Variants in TXNDC16 observed in about 807,000 individuals in gnomAD.
The protein encoded by TXNDC16 is thioredoxin domain-containing protein 16.
Under a neutral mutation model 85.6 loss-of-function variants are expected in TXNDC16, and 74 were observed. The ratio of observed to expected loss-of-function variants is 0.86; its 90% CI spans 0.72 to 1.05. TXNDC16 has a LOEUF of 1.05. Among genes scored for constraint, TXNDC16 ranks in the 50% least tolerant of loss-of-function variants. TXNDC16 has a pLI of 0.00. For synonymous variants in TXNDC16, 335 were observed against 326.5 expected (o/e 1.03, Z -0.28); for missense variants, 959 against 947.0 (o/e 1.01, Z -0.17).
chr14:52,509,567 C>G (rs2036904458), intron 9 of TXNDC16, among the ~76,000 whole-genome samples: 1 of 150,484 alleles, frequency 6.6e-6, no homozygotes, highest in Middle Eastern at 3.2e-3. Context: ...GGGTGCAGCA[C>G]ACAAACATGG....
intron 9 of TXNDC16, among the ~76,000 whole-genome samples, chr14:52,493,159 G>C (rs1025816988): frequency 2.0e-5 from 3 of 146,358 alleles, no homozygotes; most frequent in Non-Finnish European, 4.5e-5. Flanking sequence ...AAGAAGATTA[G>C]AGAAGAAATA....
intron 9 of TXNDC16, among the ~76,000 whole-genome samples, chr14:52,496,011 T>A (rs1387987133): frequency 6.6e-6 from 1 of 151,498 alleles, no homozygotes; most frequent in Non-Finnish European, 1.5e-5. Flanking sequence ...TGAAAAAAAA[T>A]TAGCCGGGTG....
intron 6 of TXNDC16, among the ~76,000 whole-genome samples, chr14:52,527,972 T>C (rs1456965669): frequency 6.6e-6 from 1 of 152,160 alleles, no homozygotes; most frequent in Non-Finnish European, 1.5e-5. Flanking sequence ...CAATGATGTT[T>C]CAGCAGTGTT....
chr14:52,502,947 G>C (rs745426043), intron 9 of TXNDC16, among the ~76,000 whole-genome samples: 3 of 152,168 alleles, frequency 2.0e-5, no homozygotes, highest in Non-Finnish European at 4.4e-5. Flanking sequence ...TGAGGGCTCC[G>C]AGGGTCCTAT....
intron 15 of TXNDC16, 145 bp downstream of exon 15, chr14:52,470,367 T>A (rs1246846334): frequency 2.8e-6 from 3 of 1,059,500 alleles, no homozygotes; most frequent in African/African-American, 3.2e-5. Context: ...AGTGTTGAAA[T>A]GTACACAGAC....
At chr14:52,538,416 TATA>T (rs1183520068) in intron 4 of TXNDC16, among the ~76,000 whole-genome samples, 2 of 152,068 alleles carry the variant, frequency 1.3e-5, no homozygotes, top group South Asian at 2.1e-4. Flanking sequence ...GAAAAAAATA[TATA>T]ATAACAATCT....
Position 52,509,506 on chromosome 14 carries a change from T to C in TXNDC16, c.756+1734A>G, listed in dbSNP as rs1465133317. Among the ~76,000 whole-genome samples, 3 of 144,892 alleles carry C rather than the reference T, an allele frequency of 2.1e-5. No homozygotes were observed. The East Asian group carries it at 6.3e-4, about 30-fold the overall frequency. On this transcript the variant is annotated intron_variant, in intron 9 of 20. Coordinates refer to ENST00000281741, the MANE Select transcript of TXNDC16 (RefSeq NM_020784.3). ...TAAACTGCTTTCTTTAAAAAAAAAA[T>C]TACTTGTAGTCAAAATGCAACCACA...
At chr14:52,439,123 C>T in intron 20 of TXNDC16, 81 bp downstream of exon 20, 1 of 1,367,690 alleles carries the variant, frequency 7.3e-7, no homozygotes, top group Non-Finnish European at 1.0e-6. Flanking sequence ...CTCATCCTAC[C>T]ATTCTTTAGC....
At chr14:52,451,509 T>A (rs2035412089) in intron 18 of TXNDC16, among the ~76,000 whole-genome samples, 1 of 152,088 alleles carries the variant, frequency 6.6e-6, no homozygotes. Flanking sequence ...TGTCCATGTA[T>A]GATTTACCCC....
At chr14:52,537,070 T>TTACA in intron 5 of TXNDC16, among the ~76,000 whole-genome samples, 1 of 147,242 alleles carries the variant, frequency 6.8e-6, no homozygotes, top group East Asian at 2.0e-4. Context: ...CAACTCACAA[T>TTACA]CACACACACA....
chr14:52,530,012 A>C (rs1239207844), intron 6 of TXNDC16, among the ~76,000 whole-genome samples: 1 of 104,318 alleles, frequency 9.6e-6, no homozygotes, highest in African/African-American at 4.0e-5. Context: ...AATATATATT[A>C]TATATTATAT....
At chr14:52,488,831 G>GGAAAAAAA (rs1336603891) in intron 11 of TXNDC16, among the ~76,000 whole-genome samples, 4 of 89,958 alleles carry the variant, frequency 4.4e-5, no homozygotes, top group Admixed American at 1.3e-4. Flanking sequence ...GAGACTCTGG[G>GGAAAAAAA]AAAAAAAAAA....
intron 20 of TXNDC16, among the ~76,000 whole-genome samples, chr14:52,437,773 C>G (rs2035063617): frequency 6.6e-6 from 1 of 152,158 alleles, no homozygotes; most frequent in African/African-American, 2.4e-5. Context: ...ATAGACACTT[C>G]TGAAAAGAAG....
intron 9 of TXNDC16, among the ~76,000 whole-genome samples, chr14:52,507,397 G>T (rs951112326): frequency 1.3e-5 from 2 of 151,794 alleles, no homozygotes; most frequent in Non-Finnish European, 2.9e-5. Context: ...ACAAACCACT[G>T]CTCAGTGAAA....
intron 14 of TXNDC16, among the ~76,000 whole-genome samples, chr14:52,474,076 A>C (rs889286907): frequency 6.6e-6 from 1 of 152,374 alleles, no homozygotes; most frequent in Middle Eastern, 3.4e-3. Flanking sequence ...AATGAAAAGG[A>C]AAACAAGTCC....
rs752925929 is a variant in TXNDC16, at chr14:52,514,989, G to T, written c.515-19C>A. On this transcript the variant is annotated intron_variant, in intron 7 of 20. Coordinates refer to ENST00000281741, the MANE Select transcript of TXNDC16 (RefSeq NM_020784.3). ...CTGTGCTCTGAAGAAGAGATAAAGG[G>T]AGTTGGAAGACAGGAAAAAATAGTT... 2 of 1,586,360 alleles carry T rather than the reference G, an allele frequency of 1.3e-6. No individual in the cohort carries two copies. Among genetic ancestry groups the T allele is most frequent in the Non-Finnish European group, 1.7e-6 (2 of 1,161,980 alleles).
chr14:52,530,220 T>TATATAATATTAC (rs1566581709), intron 6 of TXNDC16, among the ~76,000 whole-genome samples: 1 of 72,644 alleles, frequency 1.4e-5, no homozygotes, highest in Non-Finnish European at 2.3e-5. Context: ...TACAGAATAA[T>TATATAATATTAC]ATATAATATT....
Position 52,532,444 on chromosome 14 carries a change from T to C in TXNDC16, c.392+4275A>G, listed in dbSNP as rs539547696. ...GTTGTCAAGCAACAGTTCAAATCTATTTTTTTTTTTGAGACAGAGTCTCAG... is the reference window on the plus strand; with the variant it reads ...GTTGTCAAGCAACAGTTCAAATCTACTTTTTTTTTTGAGACAGAGTCTCAG... On this transcript the variant is annotated intron_variant, in intron 6 of 20. Coordinates refer to ENST00000281741, the MANE Select transcript of TXNDC16 (RefSeq NM_020784.3). Among the ~76,000 whole-genome samples, 205 of 145,596 alleles carry C rather than the reference T, an allele frequency of 1.4e-3. 1 individual carries two copies. Among genetic ancestry groups the C allele is most frequent in the African/African-American group, 5.1e-3 (203 of 39,452 alleles).
Position 52,464,155 on chromosome 14 carries a change from G to A in TXNDC16, c.1618+5882C>T, listed in dbSNP as rs540407171. On this transcript the variant is annotated intron_variant, in intron 16 of 20. Transcript: ENST00000281741. ...ACCATTTCTTATGTTGATTCCCAATGTAAAAAATAATATGAAAAATTCTTT... is the reference window on the plus strand; with the variant it reads ...ACCATTTCTTATGTTGATTCCCAATATAAAAAATAATATGAAAAATTCTTT... Among the ~76,000 whole-genome samples, 9 of 152,252 alleles carry A rather than the reference G, an allele frequency of 5.9e-5. No individual in the cohort carries two copies. In the South Asian group the frequency reaches 1.9e-3, roughly 32 times the overall value.
Sources: allele counts gnomAD v4.1 joint callset (sites outside exome capture counted in the v4.1 genomes callset), GRCh38; gene constraint gnomAD v4.1.1; transcripts MANE v1.5; gene names NCBI Gene and HGNC (gene_info 2026-07-23, HGNC 2026-07-21).